The following FAT1 variants were observed in gnomAD, a reference collection of about 807,000 sequenced individuals.
FAT1 encodes protocadherin Fat 1.
A neutral mutation model predicts 329.8 loss-of-function variants in FAT1; 171 were observed. The observed-to-expected ratio is 0.52, with a 90% CI of 0.46 to 0.59. The LOEUF (loss-of-function observed/expected upper bound fraction) is 0.59. Among genes scored for constraint, FAT1 ranks in the 20% least tolerant of loss-of-function variants. The probability of loss-of-function intolerance (pLI) is 0.00; values close to 1 mark genes in which losing one functional copy is unlikely to be tolerated. For missense variants in FAT1, 5,672 were observed against 5,774.4 expected (o/e 0.98, Z 0.57); for synonymous variants, 2,233 against 2,228.6 (o/e 1.00, Z -0.06).
At chr4:186,597,322 A>G (rs1738580723) in intron 24 of FAT1, 151 bp from the exon 25 acceptor site, 3 of 826,206 alleles carry the variant, frequency 3.6e-6, no homozygotes, top group Non-Finnish European at 5.4e-6. Flanking sequence ...TGTAACGTCG[A>G]CAACCACGAG....
chr4:186,674,851 T>C (rs1272633737), intron 2 of FAT1, among the ~76,000 whole-genome samples: 1 of 152,012 alleles, frequency 6.6e-6, no homozygotes, highest in Non-Finnish European at 1.5e-5. Context: ...CTGGACAACA[T>C]GGCGAAACCT....
chr4:186,635,960 A>C (rs1740797335), intron 6 of FAT1, 65 bp downstream of exon 6: 1 of 1,417,296 alleles, frequency 7.1e-7, no homozygotes, highest in Non-Finnish European at 9.9e-7. Flanking sequence ...AAAACTCATC[A>C]AACCGTATGC....
chr4:186,632,763 G>A (rs981221955), intron 7 of FAT1, among the ~76,000 whole-genome samples: 9 of 152,226 alleles, frequency 5.9e-5, no homozygotes, highest in African/African-American at 2.2e-4. Flanking sequence ...TGAGTTAGCA[G>A]ATGATCTGTC....
chr4:186,713,827 T>G (rs967369099), intron 1 of FAT1, among the ~76,000 whole-genome samples: 5 of 151,978 alleles, frequency 3.3e-5, no homozygotes, highest in Non-Finnish European at 7.4e-5. Context: ...TTTTACATAC[T>G]CAGGAACCAC....
Position 186,618,910 on chromosome 4 carries a change from G to A in FAT1, c.7676C>T (p.Pro2559Leu), listed in dbSNP as rs368980243. 81 of 1,613,796 alleles carry A rather than the reference G, an allele frequency of 5.0e-5. No individual in the cohort carries two copies. The highest frequency in any genetic ancestry group is 2.1e-4 in the African/African-American group (16 of 74,910). ...FTLEKLDRET[P>L]AEKVISVRLM... ...ACGGACTGAGATCACTTTCTCCGCC[G>A]GGGTTTCTCGATCAAGTTTTTCCAA... The change falls in exon 10 of 27, where the codon CCG becomes CTG. Residue 2559 changes from proline to leucine, a missense_variant. Physicochemically the swap from Pro to Leu is moderately conservative, Grantham distance 98. Around this residue, in one of 2 missense-constraint regions of FAT1, gnomAD observed 3,966 missense variants for 3,915.2 expected, o/e 1.01. Coordinates refer to ENST00000441802, the MANE Select transcript of FAT1 (RefSeq NM_005245.4).
rs1739963017 is a variant in FAT1 at position 186,620,185 on chromosome 4, T to C, written c.6401A>G (p.Glu2134Gly). ...HEHFQIGPLG[E>G]ISLKKQFELD... is the part of the protein sequence containing the mutation. ...CTCAAATTGCTTTTTCAGTGAAATT[T>C]CACCCAAGGGTCCAATTTGAAAGTG... Residue 2134 changes from glutamate to glycine, a missense_variant, in exon 10 of 27, where the codon GAA (glutamate) becomes GGA (glycine). Physicochemically the swap from Glu to Gly is moderately conservative, Grantham distance 98. Coordinates refer to ENST00000441802, the MANE Select transcript of FAT1 (RefSeq NM_005245.4). 2 of 1,614,060 alleles carry C rather than the reference T, an allele frequency of 1.2e-6. No individual in the cohort carries two copies. Among genetic ancestry groups the C allele is most frequent in the African/African-American group, 2.7e-5 (2 of 75,066 alleles).
Position 186,613,195 on chromosome 4 carries a change from G to A in FAT1, c.9377C>T (p.Ser3126Phe). 1 of 1,613,904 alleles carries A rather than the reference G, an allele frequency of 6.2e-7. No individual in the cohort carries two copies. The highest frequency in any genetic ancestry group is 1.3e-5 in the African/African-American group (1 of 75,020). Residue 3126 changes from serine to phenylalanine, a missense_variant, in exon 13 of 27, where the codon TCT (serine) becomes TTT (phenylalanine). Around this residue, in one of 2 missense-constraint regions of FAT1, gnomAD observed 3,966 missense variants for 3,915.2 expected, o/e 1.01. Coordinates refer to ENST00000441802, the MANE Select transcript of FAT1 (RefSeq NM_005245.4). ...CACGGTGATGGCATAAGGATCGGCAGAGAATTCGGGGGCGTTATCGTTCAC... is the reference window on the plus strand; with the variant it reads ...CACGGTGATGGCATAAGGATCGGCAAAGAATTCGGGGGCGTTATCGTTCAC... ...EDVNDNAPEF[S>F]ADPYAITVFE...
rs2126346343 is a variant in FAT1, at chr4:186,588,590, A to T, written c.*2T>A. On this transcript the variant is annotated 3_prime_UTR_variant, in exon 27 of 27. Transcript: ENST00000441802. ...GTCAGGCACTTTGGGGGGAGTTGAG[A>T]GTCAGACTTCCGTGTGCTGCTGGGA... is the stretch of plus-strand genomic sequence containing the variant. The T allele has an allele frequency of 6.2e-7, 1 of 1,606,104 alleles. No individual in the cohort carries two copies. The highest frequency in any genetic ancestry group is 8.5e-7 in the Non-Finnish European group (1 of 1,176,002).
Position 186,603,281 on chromosome 4 carries a change from C to T in FAT1, c.11245G>A (p.Asp3749Asn), listed in dbSNP as rs772322719. 55 of 1,613,796 alleles carry T rather than the reference C, an allele frequency of 3.4e-5. No individual in the cohort carries two copies. The highest frequency in any genetic ancestry group is 4.2e-5 in the Non-Finnish European group (50 of 1,179,870). The change falls in exon 19 of 27, where the codon GAT becomes AAT. Residue 3749 changes from aspartate (D) to asparagine (N), a missense_variant. By Grantham distance (23) the Asp-to-Asn change is conservative. Transcript: ENST00000441802. ...CTTTCATCCACAGACACCTTTTCAT[C>T]GCAGAACTTCCAGGGGCAGTCCAGT... ...AGLDCPWKFC[D>N]EKVSVDESVM... is the part of the protein sequence containing the mutation.
At chr4:186,628,407 T>C in intron 8 of FAT1, 43 bp from the exon 9 acceptor site, 1 of 1,609,188 alleles carries the variant, frequency 6.2e-7, no homozygotes, top group Non-Finnish European at 8.5e-7. Context: ...GGTGCTTTCC[T>C]TATAACTAAT....
Position 186,709,411 on chromosome 4 carries a change from C to T in FAT1, c.417G>A (p.Val139=), listed in dbSNP as rs1332882239. The change falls in exon 2 of 27, where the codon GTG becomes GTA. Residue 139 remains valine, a synonymous_variant. Coordinates refer to ENST00000441802, the MANE Select transcript of FAT1 (RefSeq NM_005245.4). ...ACGGTCTCAAGTCATTTGTATCCAGCACCTGCACCCTGACCTTTGTTCGCG... is the reference window on the plus strand; with the variant it reads ...ACGGTCTCAAGTCATTTGTATCCAGTACCTGCACCCTGACCTTTGTTCGCG... The part of the protein sequence containing the change: ...VEARTKVRVQ[V]LDTNDLRPLF... The T allele has an allele frequency of 6.2e-7, 1 of 1,613,834 alleles. No homozygotes were observed. Among genetic ancestry groups the T allele is most frequent in the Non-Finnish European group, 8.5e-7 (1 of 1,179,908 alleles).
intron 1 of FAT1, among the ~76,000 whole-genome samples, chr4:186,716,209 C>CAGG (rs1177920911): frequency 6.6e-6 from 1 of 152,106 alleles, no homozygotes; most frequent in East Asian, 1.9e-4. Context: ...CTTTATGGAA[C>CAGG]AGGACATTAT....
At chr4:186,671,429 G>A (rs1374911400) in intron 2 of FAT1, among the ~76,000 whole-genome samples, 1 of 152,184 alleles carries the variant, frequency 6.6e-6, no homozygotes, top group Non-Finnish European at 1.5e-5. Flanking sequence ...CGGGCATGGT[G>A]GCTCATGCCT....
intron 1 of FAT1, among the ~76,000 whole-genome samples, chr4:186,721,932 G>A (rs1368850950): frequency 6.6e-6 from 1 of 152,004 alleles, no homozygotes; most frequent in Non-Finnish European, 1.5e-5. Context: ...TCCGCCTCCC[G>A]GGTTGAAGCG....
chr4:186,684,680 A>C (rs112208067), intron 2 of FAT1, among the ~76,000 whole-genome samples: 118,938 of 151,564 alleles, frequency 0.78, 47,431 homozygotes, highest in Non-Finnish European at 0.83. Context: ...GAAAAAAAAA[A>C]AAACCCAAAC....
chr4:186,725,319 A>C (rs1745681972), upstream of FAT1, among the ~76,000 whole-genome samples: 1 of 152,146 alleles, frequency 6.6e-6, no homozygotes, highest in African/African-American at 2.4e-5. The surrounding 1 kb of genome is among the most constrained non-coding windows in gnomAD (Gnocchi z 5.4). Flanking sequence ...CCTGGGAGCG[A>C]GGAAGCGGGA....
At chr4:186,663,798 G>A (rs539947983) in intron 2 of FAT1, among the ~76,000 whole-genome samples, 185 bp from the exon 3 acceptor site, 1 of 152,212 alleles carries the variant, frequency 6.6e-6, no homozygotes, top group South Asian at 2.1e-4. Context: ...GACAATAATA[G>A]TATATTCAAC....
At chr4:186,594,450 G>C (rs1296230057) in intron 26 of FAT1, among the ~76,000 whole-genome samples, 1 of 151,688 alleles carries the variant, frequency 6.6e-6, no homozygotes, top group African/African-American at 2.4e-5. Context: ...TTTATAAAGA[G>C]CATTTAGGGG....
rs1259910196 is a variant in FAT1 at position 186,603,362 on chromosome 4, T to C, written c.11164A>G (p.Ile3722Val). The change falls in exon 19 of 27, where the codon ATT becomes GTT. Residue 3722 changes from isoleucine (I) to valine (V), a missense_variant. Transcript: ENST00000441802. Reference protein sequence around the residue: ...LHKINSSVTDIEEIIGVRILN... With the variant: ...LHKINSSVTDVEEIIGVRILN... ...ATCCTAACTCCAATGATTTCCTCAA[T>C]GTCAGTCACGGAAGAGTTAATCTTG... is the stretch of plus-strand genomic sequence containing the variant. 1.2e-6 allele frequency: 2 copies of C among 1,613,922 alleles called. No homozygotes were observed. Among genetic ancestry groups the C allele is most frequent in the Non-Finnish European group, 1.7e-6 (2 of 1,179,910 alleles).
Sources: allele counts gnomAD v4.1 joint callset (sites outside exome capture counted in the v4.1 genomes callset), GRCh38; gene constraint gnomAD v4.1.1; regional missense constraint gnomAD v4.1.1; non-coding constraint Gnocchi (gnomAD v3.1); transcripts MANE v1.5; gene names NCBI Gene and HGNC (gene_info 2026-07-23, HGNC 2026-07-21).